The following RGS6 variants were observed in gnomAD, a reference collection of about 807,000 sequenced individuals.
RGS6 encodes regulator of G-protein signaling 6.
A neutral mutation model predicts 78.5 loss-of-function variants in RGS6; 30 were observed. The ratio of observed to expected loss-of-function variants is 0.38; its 90% CI spans 0.29 to 0.52. The LOEUF is 0.52. RGS6 is among the 20% of genes least tolerant of loss of function. RGS6 has a pLI of 0.85. For missense variants in RGS6, 495 were observed against 609.7 expected (o/e 0.81, Z 1.98); for synonymous variants, 206 against 206.0 (o/e 1.00, Z 0.00).
In RGS6 at chr14:72,259,835, C is replaced by T. The variant is rs550038792; in HGVS notation, c.85-92260C>T. 3.3e-3 allele frequency among the ~76,000 whole-genome samples: 464 copies of T among 141,734 alleles called. 1 individual carries two copies. The highest frequency in any genetic ancestry group is 0.012 in the African/African-American group (444 of 38,448). The allele number at this position is 141,734 out of a possible 152,430, so 93.0% of individuals were successfully genotyped here. A position where few individuals can be genotyped will look rare whatever the true frequency, so the allele number is the denominator to read the frequency against. On this transcript the variant is annotated intron_variant, in intron 2 of 17. Coordinates refer to ENST00000553525, the MANE Select transcript of RGS6 (RefSeq NM_001204424.2). The stretch of plus-strand genomic sequence containing the variant: ...CTGAGGCCGGAGAATGGCGTGAACC[C>T]GGGAGGCGGAGCTTGCAGTGAGCCG...
intron 2 of RGS6, among the ~76,000 whole-genome samples, chr14:72,345,681 G>T (rs1254252698): frequency 6.6e-6 from 1 of 152,180 alleles, no homozygotes; most frequent in Non-Finnish European, 1.5e-5. Flanking sequence ...ACTCTGAAAT[G>T]TATTAGTCCA....
At chr14:72,608,986 T>TG in the RGS6 span, among the ~76,000 whole-genome samples, 4 of 152,316 alleles carry the variant, frequency 2.6e-5, no homozygotes, top group East Asian at 5.8e-4. Context: ...GATCTCTACA[T>TG]TTGCAAGTGA....
At chr14:72,045,297 G>A (rs562658128) in intron 2 of RGS6, among the ~76,000 whole-genome samples, 2 of 152,194 alleles carry the variant, frequency 1.3e-5, no homozygotes, top group Admixed American at 6.5e-5. Flanking sequence ...TTGCCTTTTA[G>A]CATGCCTTGT....
chr14:72,547,506 G>A, intron 17 of RGS6: 1 of 644,368 alleles, frequency 1.6e-6, no homozygotes, highest in South Asian at 1.8e-5. Context: ...ATTTTGGAAG[G>A]AGGCCAGGAT....
rs1599230712 is a variant in RGS6, at chr14:72,562,852, C to T, written c.*385C>T. The T allele has an allele frequency of 8.9e-7, 1 of 1,129,100 alleles. No homozygotes were observed. The allele number at this position is 1,129,100 out of a possible 1,614,324, so 69.9% of individuals were successfully genotyped here. A position where few individuals can be genotyped will look rare whatever the true frequency, so the allele number is the denominator to read the frequency against. ...CTCCCTCGCTGTCTGGAGACGGTCA[C>T]ACCTTCTGGCAAATTCAAGAGGCAT... is the stretch of plus-strand genomic sequence containing the variant. On this transcript the variant is annotated 3_prime_UTR_variant, in exon 18 of 18. Coordinates refer to ENST00000553525, the MANE Select transcript of RGS6 (RefSeq NM_001204424.2).
intron 3 of RGS6, among the ~76,000 whole-genome samples, chr14:72,379,450 A>T (rs986118400): frequency 2.0e-5 from 3 of 152,036 alleles, no homozygotes; most frequent in South Asian, 2.1e-4. Flanking sequence ...ATATCAAAAA[A>T]CTCTTAGAAC....
At chr14:72,269,348 G>T (rs1313164206) in intron 2 of RGS6, among the ~76,000 whole-genome samples, 1 of 152,112 alleles carries the variant, frequency 6.6e-6, no homozygotes, top group Non-Finnish European at 1.5e-5. Flanking sequence ...TTAGAGTACT[G>T]CAGTTTGCCT....
chr14:71,981,065 G>GCTT (rs2094426131), intron 2 of RGS6, among the ~76,000 whole-genome samples: 1 of 149,582 alleles, frequency 6.7e-6, no homozygotes, highest in Admixed American at 6.7e-5. Flanking sequence ...GGCTCCTGAG[G>GCTT]CTTCTGCATT....
intron 2 of RGS6, among the ~76,000 whole-genome samples, chr14:72,209,741 G>A (rs1015549512): frequency 6.6e-6 from 1 of 152,304 alleles, no homozygotes; most frequent in South Asian, 2.1e-4. Flanking sequence ...CGTTCAGGGA[G>A]CATGCAGTGG....
rs148770406 is a variant in RGS6, at chr14:72,536,457, T to A, written c.1368+182T>A. Among the ~76,000 whole-genome samples, 408 of 152,250 alleles carry A rather than the reference T, an allele frequency of 2.7e-3. 1 individual carries two copies. The highest frequency in any genetic ancestry group is 3.3e-3 in the Non-Finnish European group (224 of 67,992). ...AGGATTGTCACCACCCCAGCCCCAC[T>A]GCAAGGTCCAGGATGGGGCATCCTA... On this transcript the variant is annotated intron_variant, in intron 16 of 17. Coordinates refer to ENST00000553525, the MANE Select transcript of RGS6 (RefSeq NM_001204424.2).
chr14:71,982,122 G>T (rs1434709618), intron 2 of RGS6, among the ~76,000 whole-genome samples: 2 of 152,224 alleles, frequency 1.3e-5, no homozygotes, highest in Non-Finnish European at 1.5e-5. Flanking sequence ...CCCGAGTGAG[G>T]CAACGCCTCG....
At chr14:72,235,762 C>T (rs992121499) in intron 2 of RGS6, among the ~76,000 whole-genome samples, 1 of 152,188 alleles carries the variant, frequency 6.6e-6, no homozygotes. Flanking sequence ...ATGTATTCTG[C>T]ATATTTTGTT....
chr14:72,018,506 C>G (rs188753672), intron 2 of RGS6, among the ~76,000 whole-genome samples: 253 of 152,320 alleles, frequency 1.7e-3, no homozygotes, highest in Non-Finnish European at 2.6e-3. Context: ...TTGGGCATTT[C>G]CGGACCATAT....
At chr14:72,152,732 C>T (rs2096712608) in intron 2 of RGS6, among the ~76,000 whole-genome samples, 1 of 152,088 alleles carries the variant, frequency 6.6e-6, no homozygotes. Flanking sequence ...CTGAGAAGCT[C>T]CTCTGGCACT....
intron 2 of RGS6, among the ~76,000 whole-genome samples, chr14:72,068,726 A>G (rs1265840271): frequency 6.6e-6 from 1 of 150,538 alleles, no homozygotes; most frequent in East Asian, 2.0e-4. Context: ...TGAACTCCCC[A>G]CCTGTTGATA....
intron 2 of RGS6, among the ~76,000 whole-genome samples, chr14:72,305,313 T>G (rs1461101094): frequency 6.6e-6 from 1 of 152,218 alleles, no homozygotes; most frequent in Non-Finnish European, 1.5e-5. Context: ...TGGGGTTACA[T>G]ATAGATGCAT....
the RGS6 span, among the ~76,000 whole-genome samples, chr14:71,892,512 T>TA: frequency 6.6e-6 from 1 of 152,216 alleles, no homozygotes; most frequent in Non-Finnish European, 1.5e-5. Context: ...CACCTCCTAA[T>TA]ACTTGAGTAA....
chr14:72,525,979 C>T (rs72726171), intron 15 of RGS6, among the ~76,000 whole-genome samples: 3,207 of 152,298 alleles, frequency 0.021, 84 homozygotes, highest in South Asian at 0.11. Flanking sequence ...ACTAGTAGTT[C>T]CTGACAGCTA....
intron 2 of RGS6, among the ~76,000 whole-genome samples, chr14:72,134,902 A>G (rs1332642744): frequency 6.6e-6 from 1 of 152,162 alleles, no homozygotes; most frequent in Admixed American, 6.5e-5. Flanking sequence ...CAGGCCCTCA[A>G]CAGATTGGGT....
Sources: allele counts gnomAD v4.1 joint callset (sites outside exome capture counted in the v4.1 genomes callset), GRCh38; gene constraint gnomAD v4.1.1; transcripts MANE v1.5; gene names NCBI Gene and HGNC (gene_info 2026-07-23, HGNC 2026-07-21).